Variants in FKBP1B observed in about 807,000 individuals in gnomAD.
The protein encoded by FKBP1B is peptidyl-prolyl cis-trans isomerase FKBP1B.
A neutral mutation model predicts 13.5 loss-of-function variants in FKBP1B; 4 were observed. That is an observed-to-expected ratio of 0.30 (90% CI 0.15 to 0.68). FKBP1B has a LOEUF of 0.68. FKBP1B is among the 30% of genes least tolerant of loss of function. The probability of loss-of-function intolerance (pLI) is 0.76; values close to 1 mark genes in which losing one functional copy is unlikely to be tolerated. For synonymous variants in FKBP1B, 54 were observed against 53.6 expected (o/e 1.01, Z -0.03); for missense variants, 93 against 136.2 (o/e 0.68, Z 1.58).
intron 2 of FKBP1B, chr2:24,054,372 T>C (rs1015019891): frequency 2.3e-5 from 6 of 264,860 alleles, no homozygotes; most frequent in African/African-American, 1.1e-4. Flanking sequence ...ACCCAGAGGC[T>C]CCGATGCCAT....
At chr2:24,034,997 AATAAT>A in the FKBP1B span, among the ~76,000 whole-genome samples, 2 of 151,630 alleles carry the variant, frequency 1.3e-5, no homozygotes, top group African/African-American at 2.4e-5. Flanking sequence ...AAATTTTAAA[AATAAT>A]ATATTTTTAT....
At chr2:24,049,018 A>G (rs1663725548), upstream of FKBP1B, among the ~76,000 whole-genome samples, 2 of 152,042 alleles carry the variant, frequency 1.3e-5, no homozygotes, top group Non-Finnish European at 2.9e-5. Context: ...AGAGTCAGCA[A>G]TTACTGGTGT....
intron 2 of FKBP1B, among the ~76,000 whole-genome samples, chr2:24,060,496 G>A (rs373190191): frequency 1.3e-5 from 2 of 152,286 alleles, no homozygotes; most frequent in East Asian, 3.9e-4. Flanking sequence ...AGGTTGCAGT[G>A]AGCCGAGATT....
At chr2:24,043,842 G>A in the FKBP1B span, among the ~76,000 whole-genome samples, 23 of 151,580 alleles carry the variant, frequency 1.5e-4, no homozygotes, top group Middle Eastern at 3.4e-3. Context: ...AAATTATTTC[G>A]CATATCTCCT....
At chr2:24,033,338 C>A in the FKBP1B span, 1 of 301,052 alleles carries the variant, frequency 3.3e-6, no homozygotes, top group Non-Finnish European at 6.7e-6. Flanking sequence ...GAGAGAGTGT[C>A]CTAAGTGGTA....
At chr2:24,045,525 C>T (rs747874169), upstream of FKBP1B, among the ~76,000 whole-genome samples, 4 of 150,096 alleles carry the variant, frequency 2.7e-5, no homozygotes, top group East Asian at 4.0e-4. Flanking sequence ...CGCTTGAACC[C>T]GGCTGGCGGA....
chr2:24,049,691 T>G (rs1371904253), upstream of FKBP1B: 4 of 472,578 alleles, frequency 8.5e-6, no homozygotes, highest in African/African-American at 6.1e-5. Context: ...CCCTTGCCAG[T>G]GGCCCCTCCC....
the FKBP1B span, chr2:24,039,576 T>C: frequency 6.8e-7 from 1 of 1,473,248 alleles, no homozygotes; most frequent in Non-Finnish European, 9.2e-7. Flanking sequence ...ATGTAGGACA[T>C]TTGGTAAGAC....
chr2:24,040,415 G>A, the FKBP1B span, among the ~76,000 whole-genome samples: 8 of 152,104 alleles, frequency 5.3e-5, no homozygotes, highest in Middle Eastern at 3.4e-3. Flanking sequence ...ATTTCTATTC[G>A]TCCTTTCACT....
intron 3 of FKBP1B, among the ~76,000 whole-genome samples, chr2:24,061,740 A>T (rs1474055698): frequency 6.6e-6 from 1 of 152,196 alleles, no homozygotes; most frequent in Non-Finnish European, 1.5e-5. Context: ...TCAAAAGTAG[A>T]TTTAAATTTC....
upstream of FKBP1B, among the ~76,000 whole-genome samples, chr2:24,044,949 A>G (rs1316627248): frequency 6.6e-6 from 1 of 152,144 alleles, no homozygotes; most frequent in Non-Finnish European, 1.5e-5. Context: ...TTAAAACCTT[A>G]TATTATCAGA....
At chr2:24,041,318 G>A in the FKBP1B span, among the ~76,000 whole-genome samples, 1 of 147,160 alleles carries the variant, frequency 6.8e-6, no homozygotes, top group African/African-American at 2.5e-5. Context: ...CAGCCTGGGC[G>A]ACAGGAGCAA....
At chr2:24,051,624 C>T (rs1040358266) in intron 1 of FKBP1B, among the ~76,000 whole-genome samples, 7 of 152,178 alleles carry the variant, frequency 4.6e-5, no homozygotes, top group Admixed American at 1.3e-4. Flanking sequence ...ACAGGGTTCC[C>T]GCTATTGCTG....
chr2:24,061,782 T>C (rs1664404984), intron 3 of FKBP1B, among the ~76,000 whole-genome samples: 1 of 152,238 alleles, frequency 6.6e-6, no homozygotes, highest in Non-Finnish European at 1.5e-5. Flanking sequence ...GAGTGGGTTC[T>C]CAACAACTGC....
At chr2:24,062,984 G>A (rs1206043309) in intron 3 of FKBP1B, 80 bp from the exon 4 acceptor site, 1 of 1,607,000 alleles carries the variant, frequency 6.2e-7, no homozygotes, top group Non-Finnish European at 8.5e-7. Context: ...TTGGGAAAAT[G>A]CCATAGTCAT....
the FKBP1B span, among the ~76,000 whole-genome samples, chr2:24,040,819 C>G: frequency 6.6e-6 from 1 of 151,940 alleles, no homozygotes; most frequent in Admixed American, 6.6e-5. Flanking sequence ...GAGTTCGATC[C>G]CAGCCTGACC....
intron 2 of FKBP1B, among the ~76,000 whole-genome samples, chr2:24,057,570 T>G (rs1404156446): frequency 6.6e-6 from 1 of 152,016 alleles, no homozygotes; most frequent in Non-Finnish European, 1.5e-5. Context: ...ACTGGGTTTC[T>G]CCATGTTGGT....
chr2:24,060,283 G>A (rs1056563514), intron 2 of FKBP1B, among the ~76,000 whole-genome samples: 7 of 152,154 alleles, frequency 4.6e-5, no homozygotes, highest in Admixed American at 3.9e-4. Flanking sequence ...AGGCACAGTG[G>A]CTCATGCTTG....
chr2:24,041,303 C>T, the FKBP1B span, among the ~76,000 whole-genome samples: 1 of 150,376 alleles, frequency 6.6e-6, no homozygotes, highest in South Asian at 2.1e-4. Context: ...TGCACCATTG[C>T]ACTTCAGCCT....
Sources: gnomAD v4.1 joint callset for allele counts (sites outside exome capture counted in the v4.1 genomes callset) on GRCh38, gnomAD v4.1.1 for gene constraint, MANE v1.5 for transcripts, NCBI Gene and HGNC (gene_info 2026-07-23, HGNC 2026-07-21) for gene names.